The following ABLIM1 variants were observed in gnomAD, a reference collection of about 807,000 sequenced individuals.
ABLIM1 encodes actin-binding LIM protein 1.
Under a neutral mutation model 107.0 loss-of-function variants are expected in ABLIM1, and 40 were observed. The observed-to-expected ratio is 0.37, with a 90% CI of 0.29 to 0.49. ABLIM1 has a LOEUF of 0.49. ABLIM1 is among the 20% of genes least tolerant of loss of function. The probability of loss-of-function intolerance (pLI) is 0.97; values close to 1 mark genes in which losing one functional copy is unlikely to be tolerated. For synonymous variants in ABLIM1, 357 were observed against 357.3 expected (o/e 1.00, Z 0.01); for missense variants, 857 against 1,008.5 (o/e 0.85, Z 2.04).
At chr10:114,524,129 T>G (rs1027507321) in intron 6 of ABLIM1, among the ~76,000 whole-genome samples, 1 of 152,216 alleles carries the variant, frequency 6.6e-6, no homozygotes, top group Non-Finnish European at 1.5e-5. Context: ...CAGCCAATGC[T>G]AAGCACCACT....
chr10:114,544,340 C>A (rs530722319), intron 6 of ABLIM1, among the ~76,000 whole-genome samples: 83 of 152,344 alleles, frequency 5.4e-4, no homozygotes, highest in Middle Eastern at 3.4e-3. Flanking sequence ...AGGGTAGCGA[C>A]TCCTTCTGAA....
intron 6 of ABLIM1, among the ~76,000 whole-genome samples, chr10:114,535,026 C>G (rs1363285151): frequency 6.6e-6 from 1 of 152,204 alleles, no homozygotes; most frequent in East Asian, 1.9e-4. Flanking sequence ...ATCATTCATT[C>G]AATCAATGTG....
At chr10:114,635,472 G>A (rs2078431582) in intron 1 of ABLIM1, among the ~76,000 whole-genome samples, 1 of 152,212 alleles carries the variant, frequency 6.6e-6, no homozygotes, top group Non-Finnish European at 1.5e-5. Flanking sequence ...ATCCCTCCGT[G>A]GGACTGGAAC....
the ABLIM1 span, among the ~76,000 whole-genome samples, chr10:114,794,557 T>C: frequency 6.6e-6 from 1 of 152,164 alleles, no homozygotes; most frequent in Non-Finnish European, 1.5e-5. Flanking sequence ...ACTAGAAAAA[T>C]GAGTAACATC....
intron 1 of ABLIM1, chr10:114,613,565 T>A (rs2076949860): frequency 1.4e-6 from 1 of 733,294 alleles, no homozygotes; most frequent in African/African-American, 1.8e-5. Flanking sequence ...TTCATTCAAG[T>A]GCTTATAAAT....
At chr10:114,794,405 A>AT in the ABLIM1 span, among the ~76,000 whole-genome samples, 1 of 152,264 alleles carries the variant, frequency 6.6e-6, no homozygotes, top group African/African-American at 2.4e-5. Flanking sequence ...TACCTGGCAC[A>AT]TAATAAGTAC....
chr10:114,769,039 A>C (rs1339780314), upstream of ABLIM1, among the ~76,000 whole-genome samples: 3 of 151,728 alleles, frequency 2.0e-5, no homozygotes, highest in Non-Finnish European at 4.4e-5. Context: ...CACTCTCAAA[A>C]CAGATGTTCT....
At chr10:114,526,307 G>A (rs2064734205) in intron 6 of ABLIM1, among the ~76,000 whole-genome samples, 2 of 152,082 alleles carry the variant, frequency 1.3e-5, no homozygotes, top group African/African-American at 4.8e-5. Context: ...CCCAAAGTCT[G>A]AAAACCACAG....
chr10:114,470,726 C>T (rs1029573363), intron 10 of ABLIM1, among the ~76,000 whole-genome samples: 7 of 152,190 alleles, frequency 4.6e-5, no homozygotes, highest in African/African-American at 1.7e-4. Context: ...AGCTCACTTA[C>T]TCTTTACAGA....
chr10:114,632,869 C>T, intron 1 of ABLIM1: 2 of 823,852 alleles, frequency 2.4e-6, no homozygotes, highest in Non-Finnish European at 2.9e-6. Context: ...TCAGCCTAAG[C>T]CTGACCCCAC....
At chr10:114,447,752 CTACCT>C in intron 15 of ABLIM1, 123 bp downstream of exon 15, 1 of 1,317,574 alleles carries the variant, frequency 7.6e-7, no homozygotes, top group South Asian at 1.5e-5. Context: ...TTTCACTATG[CTACCT>C]CTTGGTCATA....
At chr10:114,532,365 C>T (rs2065543292) in intron 6 of ABLIM1, among the ~76,000 whole-genome samples, 1 of 152,358 alleles carries the variant, frequency 6.6e-6, no homozygotes, top group South Asian at 2.1e-4. Flanking sequence ...CCCTAACTCC[C>T]TCCACTTGAC....
At chr10:114,451,841 AGT>A (rs2061961979) in intron 13 of ABLIM1, among the ~76,000 whole-genome samples, 170 bp from the exon 14 acceptor site, 1 of 152,242 alleles carries the variant, frequency 6.6e-6, no homozygotes, top group Non-Finnish European at 1.5e-5. Context: ...TATAGAAATG[AGT>A]GGCTTACTAT....
At position 114,644,327 on chromosome 10, in the gene ABLIM1, A is replaced by ATG. The variant is rs1440786237; in HGVS notation, c.244+13629_244+13630insCA. On this transcript the variant is annotated intron_variant, in intron 1 of 22. Transcript: ENST00000533213. Reference sequence around the variant, plus strand: ...AAAAAATATATATATATATATATATATATGTGTATATATTGTATATATACA... The same window carrying ATG: ...AAAAAATATATATATATATATATATATGTATGTGTATATATTGTATATATACA... 7.4e-4 allele frequency among the ~76,000 whole-genome samples: 88 copies of ATG among 119,472 alleles called. 4 individuals are homozygous for ATG. The East Asian group carries it at 9.2e-3, about 12-fold the overall frequency. 78.4% of individuals were successfully genotyped at this position (119,472 alleles called of 152,430 possible).
chr10:114,746,521 AT>A (rs1404768081), intron 1 of ABLIM1, among the ~76,000 whole-genome samples: 1 of 152,178 alleles, frequency 6.6e-6, no homozygotes, highest in African/African-American at 2.4e-5. Flanking sequence ...TAACTTGGCT[AT>A]TGTGAATAGT....
rs778203147 is a variant in ABLIM1 at position 114,447,841 on chromosome 10, G to A, written c.1735+39C>T. On this transcript the variant is annotated intron_variant, in intron 15 of 22. Coordinates refer to ENST00000533213, the MANE Select transcript of ABLIM1 (RefSeq NM_002313.7). Reference sequence around the variant, plus strand: ...AAGCATGTCATCTTGAGCTCTCCTAGCAGTTTGTCCCTTTGACTTAGCCGT... The same window carrying A: ...AAGCATGTCATCTTGAGCTCTCCTAACAGTTTGTCCCTTTGACTTAGCCGT... The A allele has an allele frequency of 1.9e-6, 3 of 1,610,968 alleles. No individual in the cohort carries two copies. The South Asian group carries it at 3.3e-5, about 18-fold the overall frequency.
chr10:114,726,993 G>A (rs969347770), intron 1 of ABLIM1, among the ~76,000 whole-genome samples: 8 of 152,306 alleles, frequency 5.3e-5, no homozygotes, highest in African/African-American at 1.4e-4. Flanking sequence ...ACAATGTTCA[G>A]TGTGAACCCA....
At chr10:114,662,597 G>A (rs115469938), upstream of ABLIM1, among the ~76,000 whole-genome samples, 573 of 152,272 alleles carry the variant, frequency 3.8e-3, 1 homozygote, top group African/African-American at 6.1e-3. Flanking sequence ...TCCGGTCTGG[G>A]CAGGTCTCCT....
intron 1 of ABLIM1, among the ~76,000 whole-genome samples, chr10:114,623,165 A>G (rs145483940): frequency 2.8e-4 from 43 of 152,318 alleles, no homozygotes; most frequent in Middle Eastern, 3.4e-3. Context: ...AAAAATTCCA[A>G]ATAGCTCTAT....
Sources: allele counts gnomAD v4.1 joint callset (sites outside exome capture counted in the v4.1 genomes callset), GRCh38; gene constraint gnomAD v4.1.1; transcripts MANE v1.5; gene names NCBI Gene and HGNC (gene_info 2026-07-23, HGNC 2026-07-21).